DAZAP1: variants seen among roughly 807,000 people sequenced by gnomAD.
The protein encoded by DAZAP1 is DAZ-associated protein 1.
DAZAP1 carries 6 observed loss-of-function variants against 60.1 expected under a neutral mutation model. The ratio of observed to expected loss-of-function variants is 0.10; its 90% confidence interval spans 0.05 to 0.20. The LOEUF (loss-of-function observed/expected upper bound fraction) is 0.20, where lower values mean the gene tolerates loss of function less well. Ranked by LOEUF, DAZAP1 falls within the 10% of genes least tolerant of loss-of-function variation. The pLI, the probability that DAZAP1 is intolerant of heterozygous loss-of-function variation, is 1.00. For missense variants in DAZAP1, 366 were observed against 560.4 expected (o/e 0.65, Z 3.50); for synonymous variants, 235 against 215.9 (o/e 1.09, Z -0.78).
rs372542399 is a variant in DAZAP1 at position 1,433,859 on chromosome 19, C to T, written c.1049-878C>T. ...GCCGCCTCCTTCTCCAGGGTCCTCCCACCCGCCTGCACCGGGAGGTGGACG... is the reference window on the plus strand; with the variant it reads ...GCCGCCTCCTTCTCCAGGGTCCTCCTACCCGCCTGCACCGGGAGGTGGACG... On this transcript the variant is annotated intron_variant, in intron 11 of 11. Transcript: ENST00000233078. This position sits in a 1 kb window ranked among gnomAD's most constrained non-coding sequence, Gnocchi z 6.1. 195 of 1,586,228 alleles carry T rather than the reference C, an allele frequency of 1.2e-4. No homozygotes were observed. The highest frequency in any genetic ancestry group is 1.6e-4 in the Non-Finnish European group (190 of 1,155,958).
In DAZAP1 at chr19:1,430,211, G is replaced by A; in HGVS notation, c.731-11G>A. ...GCTCTCTGTCCATCACCCCCGTACT[G>A]TGTGTTTCAGGTGGCTATGGACCGC... On this transcript the variant is annotated splice_polypyrimidine_tract_variant and intron_variant, in intron 9 of 11. Coordinates refer to ENST00000233078, the MANE Select transcript of DAZAP1 (RefSeq NM_018959.4). 1.9e-6 allele frequency: 3 copies of A among 1,587,828 alleles called. No homozygotes were observed. The South Asian group carries it at 3.5e-5, about 18-fold the overall frequency.
rs112963892 is a variant in DAZAP1, at chr19:1,424,234, C to T, written c.464-1644C>T. On this transcript the variant is annotated intron_variant, in intron 6 of 11. Coordinates refer to ENST00000233078, the MANE Select transcript of DAZAP1 (RefSeq NM_018959.4). The stretch of plus-strand genomic sequence containing the variant: ...GGCCCGCCCGCTCCAGCCGCTGCCT[C>T]GTTCGCCTCTCAGTCCCCTCAGGTC... Among the ~76,000 whole-genome samples the T allele has an allele frequency of 5.3e-5, 8 of 152,118 alleles. No individual in the cohort carries two copies. In the South Asian group the frequency reaches 6.2e-4, roughly 12 times the overall value.
At position 1,418,911 on chromosome 19, in the gene DAZAP1, A is replaced by G. The variant is rs1045572886; in HGVS notation, c.303+180A>G. On this transcript the variant is annotated intron_variant, in intron 4 of 11. Coordinates refer to ENST00000233078, the MANE Select transcript of DAZAP1 (RefSeq NM_018959.4). This position sits in a 1 kb window ranked among gnomAD's most constrained non-coding sequence, Gnocchi z 5.7. ...TCAGTGCCGTGAGTGTTTTACAGCC[A>G]AGAAAATTCTTACTAATCTATCTTA... 1.3e-5 allele frequency among the ~76,000 whole-genome samples: 2 copies of G among 152,180 alleles called. No individual in the cohort carries two copies. The highest frequency in any genetic ancestry group is 2.9e-5 in the Non-Finnish European group (2 of 68,036).
rs1039699283 is a variant in DAZAP1, at chr19:1,416,950, G to A, written c.30-550G>A. On this transcript the variant is annotated intron_variant, in intron 1 of 11. Transcript: ENST00000233078. This position sits in a 1 kb window ranked among gnomAD's most constrained non-coding sequence, Gnocchi z 4.3. ...AAGTGGGGCCAGTGCTGAGACTGGAGCTTCAGGGCCTTCACCTTCATCTGT... is the reference window on the plus strand; with the variant it reads ...AAGTGGGGCCAGTGCTGAGACTGGAACTTCAGGGCCTTCACCTTCATCTGT... 1.3e-5 allele frequency: 2 copies of A among 159,558 alleles called. No individual in the cohort carries two copies. Among genetic ancestry groups the A allele is most frequent in the African/African-American group, 4.8e-5 (2 of 41,460 alleles). The allele number at this position is 159,558 out of a possible 1,614,324, so 9.9% of individuals were successfully genotyped here.
chr19:1,428,715 T>C lies in DAZAP1; in HGVS notation c.547-127T>C. 1 of 1,127,084 alleles carries C rather than the reference T, an allele frequency of 8.9e-7. No individual in the cohort carries two copies. The highest frequency in any genetic ancestry group is 1.3e-6 in the Non-Finnish European group (1 of 788,990). The allele number at this position is 1,127,084 out of a possible 1,614,324, so 69.8% of individuals were successfully genotyped here. A position where few individuals can be genotyped will look rare whatever the true frequency, so the allele number is the denominator to read the frequency against. On this transcript the variant is annotated intron_variant, in intron 7 of 11. Coordinates refer to ENST00000233078, the MANE Select transcript of DAZAP1 (RefSeq NM_018959.4). This position sits in a 1 kb window ranked among gnomAD's most constrained non-coding sequence, Gnocchi z 4.0. ...ATGCTACTGGCCTAAATAAGGTTTA[T>C]AGTTAAGTATTTAGTCTTAAGTTGT...
In DAZAP1 at chr19:1,432,331, G is replaced by C; in HGVS notation, c.872-183G>C. 1.5e-6 allele frequency: 1 copy of C among 659,618 alleles called. No individual in the cohort carries two copies. Among genetic ancestry groups the C allele is most frequent in the Admixed American group, 2.5e-5 (1 of 40,054 alleles). The allele number at this position is 659,618 out of a possible 1,614,324, so 40.9% of individuals were successfully genotyped here. A position where few individuals can be genotyped will look rare whatever the true frequency, so the allele number is the denominator to read the frequency against. On this transcript the variant is annotated intron_variant, in intron 10 of 11. Transcript: ENST00000233078. This position sits in a 1 kb window ranked among gnomAD's most constrained non-coding sequence, Gnocchi z 4.9. Reference sequence around the variant, plus strand: ...CTCCCAGGAGTGTGTGTTTCCTGGGGGGAGCGGCCCGGGACCGTGGCTCTG... The same window carrying C: ...CTCCCAGGAGTGTGTGTTTCCTGGGCGGAGCGGCCCGGGACCGTGGCTCTG...
rs147254701 is a variant in DAZAP1 at position 1,432,480 on chromosome 19, G to C, written c.872-34G>C. 1 of 1,610,178 alleles carries C rather than the reference G, an allele frequency of 6.2e-7. No individual in the cohort carries two copies. The highest frequency in any genetic ancestry group is 8.5e-7 in the Non-Finnish European group (1 of 1,177,322). Reference sequence around the variant, plus strand: ...GCTGGTCTGCCCCCAGCTGCACAACGTGTCTTGTGCCTTGCCCTCTTGTAC... The same window carrying C: ...GCTGGTCTGCCCCCAGCTGCACAACCTGTCTTGTGCCTTGCCCTCTTGTAC... On this transcript the variant is annotated intron_variant, in intron 10 of 11. Coordinates refer to ENST00000233078, the MANE Select transcript of DAZAP1 (RefSeq NM_018959.4). This position sits in a 1 kb window ranked among gnomAD's most constrained non-coding sequence, Gnocchi z 4.9.
At position 1,422,298 on chromosome 19, in the gene DAZAP1, C is replaced by T. The variant is rs117240167; in HGVS notation, c.415-50C>T. On this transcript the variant is annotated intron_variant, in intron 5 of 11. Transcript: ENST00000233078. The surrounding 1 kb of genome is among the most constrained non-coding windows in gnomAD (Gnocchi z 4.5). ...AACAGGCTGTGCCCTCGGAAGACCA[C>T]CTGTGGTGCTGGCCCTGGTGTCCGT... 25,350 of 1,571,022 alleles carry T rather than the reference C, an allele frequency of 0.016. 250 individuals are homozygous for T. Among genetic ancestry groups the T allele is most frequent in the Non-Finnish European group, 0.019 (21,172 of 1,141,838 alleles).
intron 1 of DAZAP1, among the ~76,000 whole-genome samples, chr19:1,415,394 G>GTTTTT (rs3837987): frequency 1.4e-5 from 1 of 69,838 alleles, no homozygotes; most frequent in Non-Finnish European, 3.2e-5. Context: ...TGTGTGTTTT[G>GTTTTT]TTTTTTTTTT....
intron 1 of DAZAP1, among the ~76,000 whole-genome samples, chr19:1,408,894 T>G (rs1164778589): frequency 6.6e-6 from 1 of 152,186 alleles, no homozygotes; most frequent in Non-Finnish European, 1.5e-5. Context: ...GGTTTCCTAG[T>G]GGTCTGGTGT....
At chr19:1,430,755 CTG>C (rs1244348794) in intron 10 of DAZAP1, among the ~76,000 whole-genome samples, 2 of 149,434 alleles carry the variant, frequency 1.3e-5, no homozygotes, top group African/African-American at 5.0e-5. Context: ...GAGTTTCACT[CTG>C]TAGCCCAGGC....
intron 1 of DAZAP1, among the ~76,000 whole-genome samples, chr19:1,409,351 C>T (rs1656634358): frequency 6.6e-6 from 1 of 152,220 alleles, no homozygotes; most frequent in African/African-American, 2.4e-5. Flanking sequence ...CCACCCAAGC[C>T]GTGGCTGTGA....
At chr19:1,411,490 G>A (rs376596793) in intron 1 of DAZAP1, among the ~76,000 whole-genome samples, 11 of 152,202 alleles carry the variant, frequency 7.2e-5, no homozygotes, top group African/African-American at 1.9e-4. Context: ...GTCCTGTGTC[G>A]GCTCCTTTGA....
rs1170293457 is a variant in DAZAP1, at chr19:1,418,839, A to G, written c.303+108A>G. 2.5e-6 allele frequency: 3 copies of G among 1,197,308 alleles called. No individual in the cohort carries two copies. The highest frequency in any genetic ancestry group is 2.5e-5 in the East Asian group (1 of 40,708). The allele number at this position is 1,197,308 out of a possible 1,614,324, so 74.2% of individuals were successfully genotyped here. A position where few individuals can be genotyped will look rare whatever the true frequency, so the allele number is the denominator to read the frequency against. On this transcript the variant is annotated intron_variant, in intron 4 of 11. Transcript: ENST00000233078. The surrounding 1 kb of genome is among the most constrained non-coding windows in gnomAD (Gnocchi z 5.7). ...CGCTCGTTAAGATTGAGGGCGACGC[A>G]GGTCTTCTGGGTTGGCACTCGAGCA...
At position 1,421,530 on chromosome 19, in the gene DAZAP1, C is replaced by T. The variant is rs59534004; in HGVS notation, c.414+272C>T. Among the ~76,000 whole-genome samples, 69 of 152,374 alleles carry T rather than the reference C, an allele frequency of 4.5e-4. 2 individuals carry two copies. The East Asian group carries it at 0.011, about 24-fold the overall frequency. On this transcript the variant is annotated intron_variant, in intron 5 of 11. Transcript: ENST00000233078. The stretch of plus-strand genomic sequence containing the variant: ...GGCCGCCCGATTCCATTGTGAACAC[C>T]GTGGGGTCCAGTGTCAGAGAAGGGC...
Position 1,433,527 on chromosome 19 carries a change from A to C in DAZAP1, c.1048+837A>C. 2.2e-5 allele frequency: 12 copies of C among 538,340 alleles called. No homozygotes were observed. The highest frequency in any genetic ancestry group is 9.7e-5 in the East Asian group (3 of 30,794). The allele number at this position is 538,340 out of a possible 1,614,324, so 33.3% of individuals were successfully genotyped here. A position where few individuals can be genotyped will look rare whatever the true frequency, so the allele number is the denominator to read the frequency against. On this transcript the variant is annotated intron_variant, in intron 11 of 11. Coordinates refer to ENST00000233078, the MANE Select transcript of DAZAP1 (RefSeq NM_018959.4). The surrounding 1 kb of genome is among the most constrained non-coding windows in gnomAD (Gnocchi z 6.1). ...GTTCGGCCGAGGTGCCCGCCCACCCACCTCGCATGGCTGTGGTTCCCCTGC... is the reference window on the plus strand; with the variant it reads ...GTTCGGCCGAGGTGCCCGCCCACCCCCCTCGCATGGCTGTGGTTCCCCTGC...
intron 4 of DAZAP1, 85 bp from the exon 5 acceptor site, chr19:1,421,063 C>T (rs988903384): frequency 9.9e-6 from 12 of 1,209,126 alleles, no homozygotes; most frequent in East Asian, 2.3e-5. Context: ...TAAACCAGCG[C>T]GGATTGGCCT....
chr19:1,415,392 T>TG (rs2082951067), intron 1 of DAZAP1, among the ~76,000 whole-genome samples: 3 of 133,412 alleles, frequency 2.2e-5, no homozygotes, highest in Non-Finnish European at 3.3e-5. Flanking sequence ...TGTGTGTGTT[T>TG]TGTTTTTTTT....
intron 1 of DAZAP1, 179 bp from the exon 2 acceptor site, chr19:1,417,321 C>T: frequency 1.4e-6 from 1 of 696,152 alleles, no homozygotes; most frequent in Non-Finnish European, 2.5e-6. Context: ...TTCATGTCTG[C>T]AGACAGCATG....
Sources: gnomAD v4.1 joint callset for allele counts (sites outside exome capture counted in the v4.1 genomes callset) on GRCh38, gnomAD v4.1.1 for gene constraint, Gnocchi (gnomAD v3.1) non-coding constraint, MANE v1.5 for transcripts, NCBI Gene and HGNC (gene_info 2026-07-23, HGNC 2026-07-21) for gene names.